PCDHGA9: variants seen among roughly 807,000 people sequenced by gnomAD.
PCDHGA9 encodes protocadherin gamma-A9.
In PCDHGA9, 37 loss-of-function variants were observed where a neutral mutation model predicts 62.5. The observed-to-expected ratio is 0.59, with a 90% CI of 0.46 to 0.78. The LOEUF (loss-of-function observed/expected upper bound fraction) is 0.78. PCDHGA9 is among the 30% of genes least tolerant of loss of function. The probability of loss-of-function intolerance (pLI) is 0.00; values close to 1 mark genes in which losing one functional copy is unlikely to be tolerated. For missense variants in PCDHGA9, 1,138 were observed against 1,166.2 expected, an observed-to-expected ratio of 0.98 and a Z score of 0.35; for synonymous variants, 459 against 484.6, an observed-to-expected ratio of 0.95 and a Z score of 0.69.
At position 141,489,852 on chromosome 5, in the gene PCDHGA9, C is replaced by G. The variant is rs1197191101; in HGVS notation, c.2425-4955C>G. ...TAGAGCAGCAGCTGGATCGTGAAGC[C>G]CAGGCAAGACATCAGCTGGTGCTTA... On this transcript the variant is annotated intron_variant, in intron 1 of 3. Transcript: ENST00000573521. This position sits in a 1 kb window ranked among gnomAD's most constrained non-coding sequence, Gnocchi z 4.5. The G allele has an allele frequency of 6.2e-7, 1 of 1,614,034 alleles. No homozygotes were observed. Among genetic ancestry groups the G allele is most frequent in the Admixed American group, 1.7e-5 (1 of 60,004 alleles).
chr5:141,431,355 C>T lies in PCDHGA9; in HGVS notation c.2424+25979C>T. 1 of 1,614,054 alleles carries T rather than the reference C, an allele frequency of 6.2e-7. No homozygotes were observed. Among genetic ancestry groups the T allele is most frequent in the South Asian group, 1.1e-5 (1 of 91,082 alleles). ...TACCCCGAATTGGTGCTGAAACGCG[C>T]CCTGGACCGCGAAGAAAAGGCTGCT... On this transcript the variant is annotated intron_variant, in intron 1 of 3. Transcript: ENST00000573521. The surrounding 1 kb of genome is among the most constrained non-coding windows in gnomAD (Gnocchi z 4.8).
At chr5:141,510,682 G>C (rs1014890367) in intron 3 of PCDHGA9, among the ~76,000 whole-genome samples, 2 of 152,154 alleles carry the variant, frequency 1.3e-5, no homozygotes, top group Non-Finnish European at 2.9e-5. Context: ...GTGGCATAAG[G>C]AGGTTAGGTA....
At chr5:141,405,397 T>A (rs1383127737) in intron 1 of PCDHGA9, 21 bp downstream of exon 1, 3 of 1,591,464 alleles carry the variant, frequency 1.9e-6, no homozygotes, top group Admixed American at 1.8e-5. Context: ...TTTTTTTCTT[T>A]CTTTCTTTTC....
In PCDHGA9 at chr5:141,409,316, C is replaced by T. The variant is rs114361948; in HGVS notation, c.2424+3940C>T. 56 of 1,613,968 alleles carry T rather than the reference C, an allele frequency of 3.5e-5. No individual in the cohort carries two copies. The African/African-American group carries it at 6.5e-4, about 19-fold the overall frequency. On this transcript the variant is annotated intron_variant, in intron 1 of 3. Transcript: ENST00000573521. ...AATGGTTGTTGCCCTCTTCAAAACA[C>T]GGGATCTGGATTTCGGAGGAAATGG...
rs762908598 is a variant in PCDHGA9 at position 141,491,157 on chromosome 5, T to A, written c.2425-3650T>A. The A allele has an allele frequency of 3.7e-6, 6 of 1,614,108 alleles. No homozygotes were observed. The Admixed American group carries it at 8.3e-5, about 22-fold the overall frequency. On this transcript the variant is annotated intron_variant, in intron 1 of 3. Transcript: ENST00000573521. The surrounding 1 kb of genome is among the most constrained non-coding windows in gnomAD (Gnocchi z 6.9). ...CCCGGGCCTTACTGGAGGATGACTC[T>A]GACACCCAGCAGGTGGTGGTCCTGG...
At chr5:141,417,997 G>T in intron 1 of PCDHGA9, 1 of 1,613,872 alleles carries the variant, frequency 6.2e-7, no homozygotes, top group Non-Finnish European at 8.5e-7. Context: ...AGGGCTCGGT[G>T]GTGGGGAACC....
rs1255551589 is a variant in PCDHGA9 at position 141,410,375 on chromosome 5, G to A, written c.2424+4999G>A. ...ACGCTCTCTCAGCCCTGCTACTTGG[G>A]ACTGCTTCCATCCTGGTCTCTGTGT... On this transcript the variant is annotated intron_variant, in intron 1 of 3. Coordinates refer to ENST00000573521, the MANE Select transcript of PCDHGA9 (RefSeq NM_018921.3). The A allele has an allele frequency of 6.2e-7, 1 of 1,614,028 alleles. No individual in the cohort carries two copies. Among genetic ancestry groups the A allele is most frequent in the Admixed American group, 1.7e-5 (1 of 60,022 alleles).
rs200491568 is a variant in PCDHGA9, at chr5:141,493,146, G to A, written c.2425-1661G>A. 9.6e-6 allele frequency among the ~76,000 whole-genome samples: 1 copy of A among 104,172 alleles called. No homozygotes were observed. The highest frequency in any genetic ancestry group is 3.1e-5 in the African/African-American group (1 of 32,680). 68.3% of individuals were successfully genotyped at this position (104,172 alleles called of 152,430 possible). A position where few individuals can be genotyped will look rare whatever the true frequency, so the allele number is the denominator to read the frequency against. On this transcript the variant is annotated intron_variant, in intron 1 of 3. Transcript: ENST00000573521. The surrounding 1 kb of genome is among the most constrained non-coding windows in gnomAD (Gnocchi z 4.3). ...AGGACTGTATTTTGAAACACCCCCA[G>A]GTGATTTTGATAGCTGATTGAGAGA... is the stretch of plus-strand genomic sequence containing the variant.
chr5:141,453,721 A>G (rs373983847), intron 1 of PCDHGA9, among the ~76,000 whole-genome samples: 4 of 152,244 alleles, frequency 2.6e-5, no homozygotes, highest in East Asian at 1.9e-4. Flanking sequence ...CTATAAAAAT[A>G]TTTGTTACTA....
At position 141,486,243 on chromosome 5, in the gene PCDHGA9, G is replaced by A. The variant is rs754924567; in HGVS notation, c.2425-8564G>A. 18 of 1,614,156 alleles carry A rather than the reference G, an allele frequency of 1.1e-5. No individual in the cohort carries two copies. The highest frequency in any genetic ancestry group is 1.4e-5 in the Non-Finnish European group (16 of 1,180,018). ...TACATCACAGTGACCTCAGAGCTTG[G>A]AACCCTCCCCGAGAGTGCAGAACCT... On this transcript the variant is annotated intron_variant, in intron 1 of 3. Coordinates refer to ENST00000573521, the MANE Select transcript of PCDHGA9 (RefSeq NM_018921.3). This position sits in a 1 kb window ranked among gnomAD's most constrained non-coding sequence, Gnocchi z 5.0.
At position 141,404,596 on chromosome 5, in the gene PCDHGA9, G is replaced by A; in HGVS notation, c.1644G>A (p.Leu548=). The A allele has an allele frequency of 6.2e-7, 1 of 1,614,080 alleles. No individual in the cohort carries two copies. Among genetic ancestry groups the A allele is most frequent in the Non-Finnish European group, 8.5e-7 (1 of 1,179,936 alleles). The change falls in exon 1 of 4, where the codon TTG becomes TTA. Residue 548 remains leucine, a synonymous_variant. Coordinates refer to ENST00000573521, the MANE Select transcript of PCDHGA9 (RefSeq NM_018921.3). ...CACCACTTAGCAGCAATGTGTCATTGAGACTGTTTGTTTTGGACCAGAATG... is the reference window on the plus strand; with the variant it reads ...CACCACTTAGCAGCAATGTGTCATTAAGACTGTTTGTTTTGGACCAGAATG... ...GSPPLSSNVS[L]RLFVLDQNDN... is the part of the protein sequence containing the mutation.
chr5:141,406,344 A>G (rs1227863234), intron 1 of PCDHGA9, among the ~76,000 whole-genome samples: 1 of 152,148 alleles, frequency 6.6e-6, no homozygotes, highest in Non-Finnish European at 1.5e-5. Flanking sequence ...TCATTTATTC[A>G]GGTCATACTA....
chr5:141,431,435 G>C lies in PCDHGA9; in HGVS notation c.2424+26059G>C, dbSNP rs376827063. The C allele has an allele frequency of 6.2e-7, 1 of 1,613,668 alleles. No homozygotes were observed. The highest frequency in any genetic ancestry group is 1.7e-5 in the Admixed American group (1 of 60,010). On this transcript the variant is annotated intron_variant, in intron 1 of 3. Coordinates refer to ENST00000573521, the MANE Select transcript of PCDHGA9 (RefSeq NM_018921.3). This position sits in a 1 kb window ranked among gnomAD's most constrained non-coding sequence, Gnocchi z 4.8. ...GGGCGACCCGGTGCGCACAGGCACC[G>C]CGCGCATCCGCGTGATGGTTCTGGA...
chr5:141,427,930 T>C, intron 1 of PCDHGA9: 2 of 1,583,398 alleles, frequency 1.3e-6, no homozygotes. Flanking sequence ...CGGCGCATGT[T>C]GGTGGGCGAC....
At chr5:141,440,954 G>A (rs908507291) in intron 1 of PCDHGA9, 9 of 152,184 alleles carry the variant, frequency 5.9e-5, no homozygotes, top group Non-Finnish European at 1.0e-4. Flanking sequence ...GAGTGTCAAG[G>A]CAGAGATCAC....
At chr5:141,506,382 G>T (rs1311307230) in intron 3 of PCDHGA9, among the ~76,000 whole-genome samples, 1 of 151,500 alleles carries the variant, frequency 6.6e-6, no homozygotes, top group East Asian at 1.9e-4. Flanking sequence ...CTGGGAGGTG[G>T]CTGTGGTGAG....
In PCDHGA9 at chr5:141,485,101, T is replaced by C; in HGVS notation, c.2425-9706T>C. On this transcript the variant is annotated intron_variant, in intron 1 of 3. Coordinates refer to ENST00000573521, the MANE Select transcript of PCDHGA9 (RefSeq NM_018921.3). The surrounding 1 kb of genome is among the most constrained non-coding windows in gnomAD (Gnocchi z 5.7). ...GGAAAGGGAGATAGGTGTCTCCAGC[T>C]GCTGTGGCTGTTTGGGGCGGGTCGG... 1 of 1,158,208 alleles carries C rather than the reference T, an allele frequency of 8.6e-7. No homozygotes were observed. Among genetic ancestry groups the C allele is most frequent in the South Asian group, 1.4e-5 (1 of 72,622 alleles). The allele number at this position is 1,158,208 out of a possible 1,614,324, so 71.7% of individuals were successfully genotyped here.
chr5:141,447,648 T>A (rs1262852729), intron 1 of PCDHGA9, among the ~76,000 whole-genome samples: 3 of 152,164 alleles, frequency 2.0e-5, no homozygotes, highest in African/African-American at 4.8e-5. Flanking sequence ...ATGGTAGAAT[T>A]TTCCCCCCCA....
At chr5:141,414,167 A>T (rs2095716553) in intron 1 of PCDHGA9, 3 of 1,605,526 alleles carry the variant, frequency 1.9e-6, no homozygotes, top group Non-Finnish European at 2.6e-6. Flanking sequence ...GGAGGAGCAT[A>T]TCTTGCAACT....
Sources: allele counts gnomAD v4.1 joint callset (sites outside exome capture counted in the v4.1 genomes callset), GRCh38; gene constraint gnomAD v4.1.1; non-coding constraint Gnocchi (gnomAD v3.1); transcripts MANE v1.5; gene names NCBI Gene and HGNC (gene_info 2026-07-23, HGNC 2026-07-21).